The following MAP2K4 variants were observed in gnomAD, a reference collection of about 807,000 sequenced individuals.
MAP2K4 encodes the protein mitogen-activated protein kinase kinase 4.
Under a neutral mutation model 48.5 loss-of-function variants are expected in MAP2K4, and 4 were observed. The observed-to-expected ratio is 0.08, with a 90% confidence interval of 0.04 to 0.19. The LOEUF (loss-of-function observed/expected upper bound fraction) is 0.19. Ranked by LOEUF, MAP2K4 falls within the 10% of genes least tolerant of loss-of-function variation. The pLI is 1.00. For missense variants in MAP2K4, 258 were observed against 493.3 expected, an observed-to-expected ratio of 0.52 and a Z score of 4.52; for synonymous variants, 166 against 173.1, an observed-to-expected ratio of 0.96 and a Z score of 0.32.
intron 6 of MAP2K4, among the ~76,000 whole-genome samples, chr17:12,111,144 C>G (rs948305048): frequency 1.3e-5 from 2 of 152,038 alleles, no homozygotes; most frequent in Non-Finnish European, 2.9e-5. Context: ...AAAAACCTGA[C>G]AGTAAGTGGC....
intron 1 of MAP2K4, among the ~76,000 whole-genome samples, chr17:12,047,463 GAT>G (rs1970004245): frequency 6.6e-6 from 1 of 152,174 alleles, no homozygotes; most frequent in Admixed American, 6.5e-5. Context: ...TTACCCAAGA[GAT>G]ATTATATAGC....
At chr17:12,022,177 T>C (rs1428219853) in intron 1 of MAP2K4, among the ~76,000 whole-genome samples, 2 of 152,218 alleles carry the variant, frequency 1.3e-5, no homozygotes, top group Admixed American at 6.5e-5. Flanking sequence ...GAATAGTTCA[T>C]GTTTATAGAG....
chr17:12,077,427 G>A (rs1193878871), intron 2 of MAP2K4, among the ~76,000 whole-genome samples: 2 of 152,146 alleles, frequency 1.3e-5, no homozygotes, highest in Non-Finnish European at 2.9e-5. Context: ...ACAAGGATAG[G>A]AACAAATAGT....
chr17:12,058,067 GC>G (rs1970336641), intron 2 of MAP2K4, among the ~76,000 whole-genome samples: 1 of 151,826 alleles, frequency 6.6e-6, no homozygotes, highest in South Asian at 2.1e-4. Context: ...TTGAGAGCTA[GC>G]TCTTAGGCCA....
intron 4 of MAP2K4, among the ~76,000 whole-genome samples, chr17:12,103,200 C>G (rs1162767565): frequency 6.6e-6 from 1 of 151,500 alleles, no homozygotes; most frequent in Non-Finnish European, 1.5e-5. Context: ...CTACCACCAC[C>G]CTGCTAATTG....
At position 12,141,712 on chromosome 17, in the gene MAP2K4, A is replaced by G; in HGVS notation, c.*452A>G. On this transcript the variant is annotated 3_prime_UTR_variant, in exon 11 of 11. Transcript: ENST00000353533. ...GTGAGAAGAGCTTGCACAGCCAACGAGACACATTGCCTTCTGGAGCTGGGA... is the reference window on the plus strand; with the variant it reads ...GTGAGAAGAGCTTGCACAGCCAACGGGACACATTGCCTTCTGGAGCTGGGA... The G allele has an allele frequency of 4.2e-6, 1 of 238,258 alleles. No individual in the cohort carries two copies. The highest frequency in any genetic ancestry group is 8.3e-6 in the Non-Finnish European group (1 of 121,118). The allele number at this position is 238,258 out of a possible 1,614,324, so 14.8% of individuals were successfully genotyped here. A position where few individuals can be genotyped will look rare whatever the true frequency, so the allele number is the denominator to read the frequency against.
At chr17:12,095,372 C>G (rs534218262) in intron 3 of MAP2K4, 1 of 605,808 alleles carries the variant, frequency 1.7e-6, no homozygotes, top group Admixed American at 2.6e-5. Context: ...TAAAGGATTT[C>G]TAAGTGCTGT....
At chr17:12,118,490 G>A (rs914063185) in intron 7 of MAP2K4, among the ~76,000 whole-genome samples, 1 of 152,098 alleles carries the variant, frequency 6.6e-6, no homozygotes, top group South Asian at 2.1e-4. Context: ...TAAACATTTT[G>A]TACCAGTGCC....
chr17:12,113,258 G>A lies in MAP2K4; in HGVS notation c.711G>A (p.Leu237=), dbSNP rs1335654560. 6 of 1,613,354 alleles carry A rather than the reference G, an allele frequency of 3.7e-6. No homozygotes were observed. Among genetic ancestry groups the A allele is most frequent in the Non-Finnish European group, 5.1e-6 (6 of 1,179,628 alleles). Residue 237 remains leucine (L), a synonymous_variant, in exon 7 of 11, where the codon CTG becomes CTA. Coordinates refer to ENST00000353533, the MANE Select transcript of MAP2K4 (RefSeq NM_003010.4). ...ATATCAAACCTTCCAATATTCTTCT[G>A]GACAGAAGTGGAAATATTAAGCTCT... ...HRDIKPSNIL[L]DRSGNIKLCD...
intron 3 of MAP2K4, among the ~76,000 whole-genome samples, chr17:12,086,474 A>G (rs1211272707): frequency 6.6e-6 from 1 of 152,168 alleles, no homozygotes; most frequent in African/African-American, 2.4e-5. Flanking sequence ...CTGTCACTCC[A>G]AGTTAATGTT....
intron 2 of MAP2K4, among the ~76,000 whole-genome samples, chr17:12,064,790 G>A (rs1009973720): frequency 2.6e-5 from 4 of 152,156 alleles, no homozygotes; most frequent in African/African-American, 7.2e-5. Flanking sequence ...CAGAATAGCC[G>A]CCAAATTAGA....
chr17:12,088,618 G>GATTA (rs5819349), intron 3 of MAP2K4, among the ~76,000 whole-genome samples: 23,224 of 134,964 alleles, frequency 0.17, 2,317 homozygotes, highest in South Asian at 0.31. Context: ...ATATGTAAAA[G>GATTA]ATTAAGATAA....
chr17:12,115,465 G>T, intron 7 of MAP2K4: 1 of 546,052 alleles, frequency 1.8e-6, no homozygotes, highest in South Asian at 1.6e-5. Flanking sequence ...TATCACAACA[G>T]CAACTATTTG....
rs934047278 is a variant in MAP2K4 at position 12,081,176 on chromosome 17, A to G, written c.219-180A>G. ...GTGTCTATTGACTACCTAAATCTAG[A>G]TCATTCTTAATCCAGTGTGTAAAAA... On this transcript the variant is annotated intron_variant, in intron 2 of 10. Transcript: ENST00000353533. This position sits in a 1 kb window ranked among gnomAD's most constrained non-coding sequence, Gnocchi z 4.2. 4.6e-5 allele frequency among the ~76,000 whole-genome samples: 7 copies of G among 152,224 alleles called. No individual in the cohort carries two copies. Among genetic ancestry groups the G allele is most frequent in the Non-Finnish European group, 1.0e-4 (7 of 68,044 alleles).
At chr17:12,032,433 T>C (rs1023339418) in intron 1 of MAP2K4, 5 of 411,576 alleles carry the variant, frequency 1.2e-5, no homozygotes, top group African/African-American at 1.0e-4. Flanking sequence ...TTTTCATTCT[T>C]CTTCCAAATA....
At chr17:12,062,758 T>C (rs1313805590) in intron 2 of MAP2K4, among the ~76,000 whole-genome samples, 1 of 152,236 alleles carries the variant, frequency 6.6e-6, no homozygotes, top group African/African-American at 2.4e-5. Context: ...CCATGGTTAC[T>C]TTAAAAGGTT....
intron 1 of MAP2K4, among the ~76,000 whole-genome samples, chr17:12,031,486 A>G (rs1393979538): frequency 2.0e-5 from 3 of 152,202 alleles, no homozygotes; most frequent in African/African-American, 7.2e-5. Context: ...TCCACTCACT[A>G]AACTAGGGGT....
chr17:12,043,293 G>T (rs1331232326), intron 1 of MAP2K4, among the ~76,000 whole-genome samples: 1 of 152,110 alleles, frequency 6.6e-6, no homozygotes, highest in Non-Finnish European at 1.5e-5. Context: ...AATATTAATG[G>T]AAATAAGGAA....
chr17:12,091,455 A>T (rs12325842), intron 3 of MAP2K4, among the ~76,000 whole-genome samples: 32,989 of 152,072 alleles, frequency 0.22, 3,739 homozygotes, highest in Middle Eastern at 0.24. Flanking sequence ...TTAACTTTCT[A>T]TTACCGCGGC....
Sources: gnomAD v4.1 joint callset for allele counts (sites outside exome capture counted in the v4.1 genomes callset) on GRCh38, gnomAD v4.1.1 for gene constraint, Gnocchi (gnomAD v3.1) non-coding constraint, MANE v1.5 for transcripts, NCBI Gene and HGNC (gene_info 2026-07-23, HGNC 2026-07-21) for gene names.